The following CSMD1 variants were observed in gnomAD, a reference collection of about 807,000 sequenced individuals.
CSMD1 encodes the protein CUB and sushi domain-containing protein 1.
A neutral mutation model predicts 417.5 loss-of-function variants in CSMD1; 213 were observed. The observed-to-expected ratio is 0.51, with a 90% CI of 0.46 to 0.57. CSMD1 has a LOEUF of 0.57. Ranked by LOEUF, CSMD1 falls within the 20% of genes least tolerant of loss-of-function variation. CSMD1 has a pLI of 0.00. For missense variants in CSMD1, 6,923 were observed against 4,529.7 expected (o/e 1.53, Z -15.17); for synonymous variants, 2,862 against 1,736.8 (o/e 1.65, Z -16.11).
At chr8:4,089,549 G>A (rs1249657138) in intron 3 of CSMD1, among the ~76,000 whole-genome samples, 3 of 152,020 alleles carry the variant, frequency 2.0e-5, no homozygotes, top group African/African-American at 7.3e-5. Context: ...AACACAATTT[G>A]GATTCTGACT....
intron 3 of CSMD1, among the ~76,000 whole-genome samples, chr8:4,106,008 C>T (rs1309910382): frequency 2.0e-5 from 3 of 152,182 alleles, no homozygotes; most frequent in African/African-American, 7.2e-5. Flanking sequence ...ATTGCATCTT[C>T]GGGTGTGCCA....
intron 7 of CSMD1, among the ~76,000 whole-genome samples, chr8:3,660,481 T>A (rs1444755798): frequency 7.3e-4 from 1 of 1,362 alleles, no homozygotes; most frequent in South Asian, 0.014. Context: ...ATCAAGTGGC[T>A]TTTTTTTTTT....
intron 11 of CSMD1, among the ~76,000 whole-genome samples, chr8:3,480,099 C>T (rs996149305): frequency 6.6e-6 from 1 of 152,142 alleles, no homozygotes; most frequent in Non-Finnish European, 1.5e-5. Context: ...TGACTCACAT[C>T]TGTAATCTCA....
chr8:4,422,369 A>G (rs1259177954), intron 2 of CSMD1, among the ~76,000 whole-genome samples: 3 of 152,070 alleles, frequency 2.0e-5, no homozygotes, highest in Non-Finnish European at 2.9e-5. Context: ...AACCCCCAAC[A>G]TAACTAGATT....
chr8:3,302,971 A>G (rs547572236), intron 25 of CSMD1, among the ~76,000 whole-genome samples: 1 of 152,362 alleles, frequency 6.6e-6, no homozygotes, highest in East Asian at 1.9e-4. Flanking sequence ...AACTGCTCCC[A>G]GAGCCCCAGG....
At position 3,065,412 on chromosome 8, in the gene CSMD1, A is replaced by G. The variant is rs568708182; in HGVS notation, c.7475-12765T>C. On this transcript the variant is annotated intron_variant, in intron 49 of 69. Transcript: ENST00000635120. Reference sequence around the variant, plus strand: ...TAGAAAGGTAGATGGATAGATTGCTAAATCAGTAGAGAGATGATAGGAAGA... The same window carrying G: ...TAGAAAGGTAGATGGATAGATTGCTGAATCAGTAGAGAGATGATAGGAAGA... 2.2e-4 allele frequency among the ~76,000 whole-genome samples: 33 copies of G among 152,276 alleles called. No homozygotes were observed. In the South Asian group the frequency reaches 6.4e-3, roughly 30 times the overall value.
intron 1 of CSMD1, among the ~76,000 whole-genome samples, chr8:4,941,284 A>C (rs964432034): frequency 1.3e-5 from 2 of 152,354 alleles, no homozygotes; most frequent in Middle Eastern, 3.4e-3. Context: ...TGATTCAAAA[A>C]GTTATTTTGA....
intron 1 of CSMD1, among the ~76,000 whole-genome samples, chr8:4,672,410 G>A (rs1351307142): frequency 2.0e-5 from 3 of 152,124 alleles, no homozygotes; most frequent in African/African-American, 7.2e-5. Flanking sequence ...TTTGAAGTAT[G>A]GGCAGAAAAT....
intron 7 of CSMD1, among the ~76,000 whole-genome samples, chr8:3,690,962 G>A (rs1171730274): frequency 6.6e-6 from 1 of 152,112 alleles, no homozygotes; most frequent in African/African-American, 2.4e-5. Flanking sequence ...TGATTTGACT[G>A]GTTAATGCAT....
intron 1 of CSMD1, among the ~76,000 whole-genome samples, chr8:4,663,602 C>T (rs1301150305): frequency 2.0e-5 from 3 of 152,152 alleles, no homozygotes; most frequent in Admixed American, 2.0e-4. Flanking sequence ...CTTCCTCTTG[C>T]TCCAGCCAAG....
At chr8:4,107,890 C>T (rs1258416287) in intron 3 of CSMD1, among the ~76,000 whole-genome samples, 1 of 152,184 alleles carries the variant, frequency 6.6e-6, no homozygotes. Flanking sequence ...CTTTCATCTT[C>T]CTAAATACAA....
rs2130561989 is a variant in CSMD1, at chr8:4,550,683, TCTC to T, written c.302+86656_302+86658del. The stretch of plus-strand genomic sequence containing the variant: ...ACCTAGACAAAGGTGACAAATATAC[TCTC>T]CTAACTCACCTTGTCTATTATCCAG... On this transcript the variant is annotated intron_variant, in intron 2 of 69. Coordinates refer to ENST00000635120, the MANE Select transcript of CSMD1 (RefSeq NM_033225.6). Among the ~76,000 whole-genome samples, 2 of 152,276 alleles carry T rather than the reference TCTC, an allele frequency of 1.3e-5. 1 individual carries two copies. Among genetic ancestry groups the T allele is most frequent in the South Asian group, 4.1e-4 (2 of 4,826 alleles).
intron 3 of CSMD1, among the ~76,000 whole-genome samples, chr8:4,067,481 T>C (rs891738522): frequency 2.3e-3 from 253 of 110,718 alleles, no homozygotes; most frequent in African/African-American, 7.8e-3. Context: ...TGAAATAAAT[T>C]ACTTTTTTTT....
intron 23 of CSMD1, among the ~76,000 whole-genome samples, chr8:3,316,064 T>G (rs550665903): frequency 3.5e-4 from 53 of 152,250 alleles, no homozygotes; most frequent in African/African-American, 1.2e-3. Context: ...TTGAGGATAT[T>G]TAAAACTCAG....
intron 3 of CSMD1, among the ~76,000 whole-genome samples, chr8:4,417,192 T>A (rs1796988466): frequency 6.6e-6 from 1 of 152,096 alleles, no homozygotes; most frequent in Non-Finnish European, 1.5e-5. Context: ...AATGTTAGTA[T>A]AAAATTTATC....
intron 5 of CSMD1, among the ~76,000 whole-genome samples, chr8:3,961,645 C>A (rs1335559831): frequency 6.6e-6 from 1 of 152,032 alleles, no homozygotes; most frequent in Non-Finnish European, 1.5e-5. Flanking sequence ...ATGTAACATT[C>A]TTGATAATAA....
intron 5 of CSMD1, among the ~76,000 whole-genome samples, chr8:3,884,795 C>A (rs1481721651): frequency 6.6e-6 from 1 of 151,920 alleles, no homozygotes; most frequent in Non-Finnish European, 1.5e-5. Context: ...TATTGTGTAC[C>A]TTTTGGTACG....
intron 3 of CSMD1, among the ~76,000 whole-genome samples, chr8:4,393,186 G>C (rs887067161): frequency 6.6e-6 from 1 of 151,888 alleles, no homozygotes; most frequent in African/African-American, 2.4e-5. Context: ...ATGTTGCCCA[G>C]GATGGTCTCA....
intron 47 of CSMD1, among the ~76,000 whole-genome samples, chr8:3,095,463 G>C (rs10503189): frequency 2.6e-5 from 4 of 152,134 alleles, no homozygotes; most frequent in Admixed American, 2.0e-4. Flanking sequence ...AAAAAGCCAT[G>C]CTCTGAAAAT....
Sources: allele counts gnomAD v4.1 joint callset (sites outside exome capture counted in the v4.1 genomes callset), GRCh38; gene constraint gnomAD v4.1.1; transcripts MANE v1.5; gene names NCBI Gene and HGNC (gene_info 2026-07-23, HGNC 2026-07-21).